SEMA5A: variants seen among roughly 807,000 people sequenced by gnomAD.
SEMA5A encodes semaphorin 5A, also known as semaphorin-5A.
Under a neutral mutation model 135.5 loss-of-function variants are expected in SEMA5A, and 55 were observed. The observed-to-expected ratio is 0.41, with a 90% CI of 0.33 to 0.51. The LOEUF (loss-of-function observed/expected upper bound fraction) is 0.51. Ranked by LOEUF, SEMA5A falls within the 20% of genes least tolerant of loss-of-function variation. The probability of loss-of-function intolerance (pLI) is 0.37; values close to 1 mark genes in which losing one functional copy is unlikely to be tolerated. For synonymous variants in SEMA5A, 580 were observed against 546.5 expected, an observed-to-expected ratio of 1.06 and a Z score of -0.85; for missense variants, 1,290 against 1,419.9, an observed-to-expected ratio of 0.91 and a Z score of 1.47.
intron 1 of SEMA5A, among the ~76,000 whole-genome samples, chr5:9,444,525 C>A (rs1263683305): frequency 6.6e-6 from 1 of 152,192 alleles, no homozygotes; most frequent in Non-Finnish European, 1.5e-5. Context: ...TTAATTCATT[C>A]CTTTTTATGG....
intron 11 of SEMA5A, among the ~76,000 whole-genome samples, chr5:9,186,371 G>A (rs1744810791): frequency 6.6e-6 from 1 of 152,146 alleles, no homozygotes. Context: ...AGACAATATG[G>A]ACAAATAAAA....
At chr5:9,092,340 T>C (rs1051708422) in intron 16 of SEMA5A, among the ~76,000 whole-genome samples, 3 of 152,226 alleles carry the variant, frequency 2.0e-5, no homozygotes, top group Non-Finnish European at 4.4e-5. Flanking sequence ...AGCTCAAATA[T>C]TGGAATTCGC....
chr5:9,403,162 T>C (rs531498540), intron 2 of SEMA5A, among the ~76,000 whole-genome samples: 2 of 152,358 alleles, frequency 1.3e-5, no homozygotes, highest in South Asian at 2.1e-4. Context: ...TCATGGCCCA[T>C]TCGAATGAAT....
intron 1 of SEMA5A, among the ~76,000 whole-genome samples, chr5:9,532,002 C>A (rs1737470146): frequency 1.3e-5 from 2 of 152,150 alleles, no homozygotes; most frequent in Admixed American, 1.3e-4. Flanking sequence ...AATTGGAAAA[C>A]CTCAGTTGTG....
intron 5 of SEMA5A, among the ~76,000 whole-genome samples, chr5:9,312,976 G>A (rs1315861054): frequency 1.3e-5 from 2 of 152,164 alleles, no homozygotes; most frequent in Middle Eastern, 3.2e-3. Context: ...AATGGTGGGA[G>A]AGGAGTGGAG....
At chr5:9,136,980 G>A (rs190327769) in intron 12 of SEMA5A, among the ~76,000 whole-genome samples, 3 of 152,192 alleles carry the variant, frequency 2.0e-5, no homozygotes, top group East Asian at 1.9e-4. Flanking sequence ...ATGATCATCC[G>A]CCTCCTCTTT....
intron 2 of SEMA5A, among the ~76,000 whole-genome samples, chr5:9,385,079 T>C (rs1755830696): frequency 6.6e-6 from 1 of 152,304 alleles, no homozygotes; most frequent in Non-Finnish European, 1.5e-5. Flanking sequence ...GAAAGCCAAT[T>C]TGGGAGACAA....
At chr5:9,284,688 T>G (rs1204237938) in intron 5 of SEMA5A, among the ~76,000 whole-genome samples, 2 of 152,210 alleles carry the variant, frequency 1.3e-5, no homozygotes, top group African/African-American at 4.8e-5. Flanking sequence ...ACAAAATCCC[T>G]GATCATGGGC....
intron 5 of SEMA5A, among the ~76,000 whole-genome samples, chr5:9,303,987 C>A (rs1751739507): frequency 6.6e-6 from 1 of 152,096 alleles, no homozygotes; most frequent in African/African-American, 2.4e-5. Context: ...ACAAAATAGA[C>A]ATGGAAAATT....
In SEMA5A at chr5:9,160,922, T is replaced by G. The variant is rs543779088; in HGVS notation, c.1274-6227A>C. On this transcript the variant is annotated intron_variant, in intron 11 of 22. Coordinates refer to ENST00000382496, the MANE Select transcript of SEMA5A (RefSeq NM_003966.3). ...TGGAGAAGAAATGTTTACACAATGC[T>G]TATCAAAAGACAGGAGTGTAACTTG... Among the ~76,000 whole-genome samples the G allele has an allele frequency of 2.6e-5, 4 of 152,322 alleles. No homozygotes were observed. In the East Asian group the frequency reaches 7.7e-4, roughly 29 times the overall value.
chr5:9,376,300 C>A (rs921120953), intron 3 of SEMA5A, among the ~76,000 whole-genome samples: 3 of 152,154 alleles, frequency 2.0e-5, no homozygotes. Context: ...ACTTCCTGTG[C>A]GTGAGGCTTG....
intron 2 of SEMA5A, among the ~76,000 whole-genome samples, chr5:9,436,006 G>GT (rs1409618358): frequency 6.6e-6 from 1 of 152,178 alleles, no homozygotes; most frequent in African/African-American, 2.4e-5. Flanking sequence ...CTAAAAGGCA[G>GT]TTTTCTGTAA....
intron 5 of SEMA5A, among the ~76,000 whole-genome samples, chr5:9,289,303 T>C (rs1750954750): frequency 6.6e-6 from 1 of 152,224 alleles, no homozygotes; most frequent in Admixed American, 6.5e-5. Flanking sequence ...TTAAACTTAG[T>C]GCAATAATTT....
At chr5:9,169,647 G>A (rs553366931) in intron 11 of SEMA5A, among the ~76,000 whole-genome samples, 5 of 152,196 alleles carry the variant, frequency 3.3e-5, no homozygotes, top group African/African-American at 4.8e-5. Flanking sequence ...ATAGTCAGAC[G>A]CTCTCCCACT....
intron 2 of SEMA5A, among the ~76,000 whole-genome samples, chr5:9,381,848 A>G (rs910567204): frequency 1.4e-4 from 22 of 152,146 alleles, no homozygotes; most frequent in African/African-American, 5.3e-4. Flanking sequence ...TGGACTTAAG[A>G]TAGATAATGT....
chr5:9,326,823 T>C (rs1224620521), intron 4 of SEMA5A, among the ~76,000 whole-genome samples: 1 of 152,130 alleles, frequency 6.6e-6, no homozygotes, highest in African/African-American at 2.4e-5. Context: ...CTTTAAAACA[T>C]AAAGTGTTGT....
intron 3 of SEMA5A, among the ~76,000 whole-genome samples, chr5:9,361,313 A>C (rs76740065): frequency 3.2e-4 from 48 of 150,984 alleles, no homozygotes; most frequent in Admixed American, 1.6e-3. Flanking sequence ...AAAAAAAAAA[A>C]ATTGCAAACA....
At chr5:9,195,104 A>C (rs1409969086) in intron 10 of SEMA5A, among the ~76,000 whole-genome samples, 1 of 152,218 alleles carries the variant, frequency 6.6e-6, no homozygotes, top group African/African-American at 2.4e-5. Flanking sequence ...CCTGTATTCA[A>C]GAGGAGAAAA....
intron 5 of SEMA5A, among the ~76,000 whole-genome samples, chr5:9,313,678 C>T (rs879476874): frequency 2.6e-5 from 4 of 152,132 alleles, no homozygotes; most frequent in Non-Finnish European, 5.9e-5. Context: ...GGCTATGAGG[C>T]TGTGAAATGC....
Sources: gnomAD v4.1 joint callset for allele counts (sites outside exome capture counted in the v4.1 genomes callset) on GRCh38, gnomAD v4.1.1 for gene constraint, MANE v1.5 for transcripts, NCBI Gene and HGNC (gene_info 2026-07-23, HGNC 2026-07-21) for gene names.